RMDN1: variants seen among roughly 807,000 people sequenced by gnomAD.
RMDN1 encodes the protein regulator of microtubule dynamics 1.
A neutral mutation model predicts 48.9 loss-of-function variants in RMDN1; 48 were observed. That is an observed-to-expected ratio of 0.98 (90% confidence interval 0.78 to 1.25). The LOEUF is 1.25. Among genes scored for constraint, RMDN1 ranks in the 50% most tolerant of loss-of-function variants. The pLI is 0.00. For missense variants in RMDN1, 418 were observed against 373.4 expected (o/e 1.12, Z -0.98); for synonymous variants, 148 against 132.6 (o/e 1.12, Z -0.80).
At chr8:86,511,963 A>G (rs777881646), upstream of RMDN1, among the ~76,000 whole-genome samples, 16 of 152,226 alleles carry the variant, frequency 1.1e-4, no homozygotes, top group Admixed American at 2.0e-4. Context: ...TTTAACATGC[A>G]TTTAACTCTC....
intron 2 of RMDN1, among the ~76,000 whole-genome samples, chr8:86,491,060 T>G (rs1394777139): frequency 1.3e-5 from 2 of 151,908 alleles, no homozygotes; most frequent in Non-Finnish European, 2.9e-5. Context: ...TTATAATCTC[T>G]CAAATAACTT....
At chr8:86,470,286 A>G, downstream of RMDN1, 1 of 1,289,310 alleles carries the variant, frequency 7.8e-7, no homozygotes, top group Non-Finnish European at 1.0e-6. Flanking sequence ...CCACACAAGA[A>G]CAATCAGGTG....
Position 86,472,680 on chromosome 8 carries a change from T to C in RMDN1, c.*1628A>G, listed in dbSNP as rs1474471715. On this transcript the variant is annotated 3_prime_UTR_variant, in exon 10 of 10. Coordinates refer to ENST00000406452, the MANE Select transcript of RMDN1 (RefSeq NM_016033.3). ...ATATTTTTTTTTTTGCCATCCTTGT[T>C]CCTGTGCGAGTTATGTCATATTTTT... The C allele has an allele frequency of 3.6e-6, 2 of 554,544 alleles. No individual in the cohort carries two copies. Among genetic ancestry groups the C allele is most frequent in the Non-Finnish European group, 6.3e-6 (2 of 315,360 alleles). 34.4% of individuals were successfully genotyped at this position (554,544 alleles called of 1,614,324 possible). A position where few individuals can be genotyped will look rare whatever the true frequency, so the allele number is the denominator to read the frequency against.
intron 2 of RMDN1, among the ~76,000 whole-genome samples, chr8:86,501,651 A>G (rs1432747111): frequency 7.7e-6 from 1 of 130,062 alleles, no homozygotes; most frequent in Non-Finnish European, 1.6e-5. Context: ...CCTAAGCATC[A>G]GAGTGAGACC....
At chr8:86,495,020 G>A (rs1817103762) in intron 2 of RMDN1, 25 of 346,990 alleles carry the variant, frequency 7.2e-5, no homozygotes, top group South Asian at 5.5e-4. Context: ...ATGTCCTCAA[G>A]ACACTTTTGA....
At position 86,501,973 on chromosome 8, in the gene RMDN1, C is replaced by T. The variant is rs187269816; in HGVS notation, c.247+5022G>A. Reference sequence around the variant, plus strand: ...GCTTCTCAATTATCTGCTTTTTTAACGGAAAGATAATCACAGATAAATGAA... The same window carrying T: ...GCTTCTCAATTATCTGCTTTTTTAATGGAAAGATAATCACAGATAAATGAA... On this transcript the variant is annotated intron_variant, in intron 2 of 9. Transcript: ENST00000406452. Among the ~76,000 whole-genome samples the T allele has an allele frequency of 2.1e-3, 310 of 149,528 alleles. 1 individual carries two copies. Among genetic ancestry groups the T allele is most frequent in the African/African-American group, 7.0e-3 (287 of 40,766 alleles).
chr8:86,504,560 T>G, intron 2 of RMDN1: 1 of 1,295,744 alleles, frequency 7.7e-7, no homozygotes, highest in Non-Finnish European at 1.1e-6. Context: ...CTATTTCTGC[T>G]GCAAAGGGCA....
At chr8:86,508,728 T>G (rs901227839), upstream of RMDN1, 1 of 1,408,714 alleles carries the variant, frequency 7.1e-7, no homozygotes, top group South Asian at 1.6e-5. Context: ...GCCCGCCTCC[T>G]GCACAGCACC....
chr8:86,495,633 G>A (rs6994005), intron 2 of RMDN1, among the ~76,000 whole-genome samples: 46,468 of 151,944 alleles, frequency 0.31, 8,827 homozygotes, highest in Middle Eastern at 0.45. Flanking sequence ...GGCCGCACCC[G>A]TAGGCAGCAC....
At chr8:86,500,472 G>A (rs1401850991) in intron 2 of RMDN1, among the ~76,000 whole-genome samples, 1 of 150,872 alleles carries the variant, frequency 6.6e-6, no homozygotes, top group East Asian at 1.9e-4. Flanking sequence ...AAACCAGAAT[G>A]AGATACCATC....
chr8:86,512,013 G>T (rs139312531), upstream of RMDN1, among the ~76,000 whole-genome samples: 138 of 152,152 alleles, frequency 9.1e-4, no homozygotes, highest in African/African-American at 3.2e-3. Flanking sequence ...TGTTAGGCTT[G>T]GTATCTAACA....
rs1586573962 is a variant in RMDN1 at position 86,473,795 on chromosome 8, T to C, written c.*513A>G. The C allele has an allele frequency of 2.0e-6, 2 of 980,666 alleles. No homozygotes were observed. Among genetic ancestry groups the C allele is most frequent in the Non-Finnish European group, 2.4e-6 (2 of 825,640 alleles). The allele number at this position is 980,666 out of a possible 1,614,324, so 60.7% of individuals were successfully genotyped here. A position where few individuals can be genotyped will look rare whatever the true frequency, so the allele number is the denominator to read the frequency against. On this transcript the variant is annotated 3_prime_UTR_variant, in exon 10 of 10. Coordinates refer to ENST00000406452, the MANE Select transcript of RMDN1 (RefSeq NM_016033.3). ...AAATAAAAAAGGAAACTACTCCATTTTTAGTCATCTCCTTACTTAGTTCTT... is the reference window on the plus strand; with the variant it reads ...AAATAAAAAAGGAAACTACTCCATTCTTAGTCATCTCCTTACTTAGTTCTT...
chr8:86,512,446 T>C (rs1454065097), upstream of RMDN1, among the ~76,000 whole-genome samples: 1 of 152,222 alleles, frequency 6.6e-6, no homozygotes, highest in Non-Finnish European at 1.5e-5. Context: ...TTGCCCCTGC[T>C]ACCATTCCTG....
intron 4 of RMDN1, among the ~76,000 whole-genome samples, chr8:86,485,800 G>A (rs1815369551): frequency 6.6e-6 from 1 of 152,108 alleles, no homozygotes; most frequent in Non-Finnish European, 1.5e-5. Flanking sequence ...AAAGTCACAA[G>A]ACTTAGGATA....
intron 2 of RMDN1, among the ~76,000 whole-genome samples, chr8:86,500,298 T>C (rs1586748011): frequency 6.6e-6 from 1 of 152,200 alleles, no homozygotes; most frequent in East Asian, 1.9e-4. Flanking sequence ...AAAGGTCTAA[T>C]ATCCAGAATC....
chr8:86,510,183 A>G (rs1353004895), upstream of RMDN1, among the ~76,000 whole-genome samples: 2 of 152,020 alleles, frequency 1.3e-5, no homozygotes, highest in Non-Finnish European at 2.9e-5. Context: ...TATTCCTAGT[A>G]TTTTCTGTTG....
chr8:86,482,414 A>T (rs1178985805), intron 5 of RMDN1: 6 of 426,566 alleles, frequency 1.4e-5, no homozygotes, highest in Non-Finnish European at 2.6e-5. Context: ...CAAAAAAAAG[A>T]AAGGAGGCTC....
intron 5 of RMDN1, chr8:86,482,931 C>G (rs575755267): frequency 3.5e-6 from 3 of 850,052 alleles, no homozygotes; most frequent in Admixed American, 1.8e-5. Flanking sequence ...CCTCCAGAGG[C>G]AGGTGGGCTC....
intron 2 of RMDN1, among the ~76,000 whole-genome samples, chr8:86,499,352 TA>T (rs1817855904): frequency 6.6e-6 from 1 of 152,166 alleles, no homozygotes; most frequent in South Asian, 2.1e-4. Flanking sequence ...CTGGAACTAA[TA>T]AACAGCTTCA....
Sources: allele counts gnomAD v4.1 joint callset (sites outside exome capture counted in the v4.1 genomes callset), GRCh38; gene constraint gnomAD v4.1.1; transcripts MANE v1.5; gene names NCBI Gene and HGNC (gene_info 2026-07-23, HGNC 2026-07-21).